The following GRK3 variants were observed in gnomAD, a reference collection of about 807,000 sequenced individuals.
GRK3 encodes G protein-coupled receptor kinase 3, also known as adrenergic, beta, receptor kinase 2.
GRK3 carries 54 observed loss-of-function variants against 95.7 expected under a neutral mutation model. The ratio of observed to expected loss-of-function variants is 0.56; its 90% CI spans 0.45 to 0.71. The LOEUF (loss-of-function observed/expected upper bound fraction) is 0.71. Among genes scored for constraint, GRK3 ranks in the 30% least tolerant of loss-of-function variants. The probability of loss-of-function intolerance (pLI) is 0.00; values close to 1 mark genes in which losing one functional copy is unlikely to be tolerated. For synonymous variants in GRK3, 281 were observed against 290.8 expected, an observed-to-expected ratio of 0.97 and a Z score of 0.34; for missense variants, 649 against 851.2, an observed-to-expected ratio of 0.76 and a Z score of 2.96.
At chr22:25,584,784 T>C (rs1165568035) in intron 1 of GRK3, among the ~76,000 whole-genome samples, 2 of 152,278 alleles carry the variant, frequency 1.3e-5, no homozygotes, top group Non-Finnish European at 2.9e-5. Flanking sequence ...CTTGTATTTC[T>C]TTTTTTAGTC....
chr22:25,647,776 C>T (rs1200928884), intron 3 of GRK3: 3 of 976,660 alleles, frequency 3.1e-6, no homozygotes, highest in Non-Finnish European at 5.0e-6. Flanking sequence ...TGAAAGATTA[C>T]TTCTGAATCC....
In GRK3 at chr22:25,565,343, G is replaced by A. The variant is rs1262222417; in HGVS notation, c.113+190G>A. Among the ~76,000 whole-genome samples the A allele has an allele frequency of 3.9e-5, 6 of 152,276 alleles. No individual in the cohort carries two copies. The East Asian group carries it at 9.7e-4, about 25-fold the overall frequency. On this transcript the variant is annotated intron_variant, in intron 1 of 20. Transcript: ENST00000324198. ...ATGGGGCATCGGAGGGCCGGTGGGGGGCACCCCGGGAGAGAGCGCTCCAAA... is the reference window on the plus strand; with the variant it reads ...ATGGGGCATCGGAGGGCCGGTGGGGAGCACCCCGGGAGAGAGCGCTCCAAA...
chr22:25,628,416 G>A (rs1252573540), intron 2 of GRK3, among the ~76,000 whole-genome samples: 3 of 152,212 alleles, frequency 2.0e-5, no homozygotes, highest in African/African-American at 7.2e-5. Flanking sequence ...ATTTATTGCA[G>A]CAGTTTTGTA....
intron 1 of GRK3, among the ~76,000 whole-genome samples, chr22:25,589,568 G>A (rs1298953585): frequency 2.6e-5 from 4 of 152,158 alleles, no homozygotes; most frequent in Non-Finnish European, 5.9e-5. Flanking sequence ...TTTTGGTGAG[G>A]AGGAGTATAA....
rs1479905557 is a variant in GRK3, at chr22:25,564,781, G to A, written c.-260G>A. 6.7e-6 allele frequency: 1 copy of A among 149,732 alleles called. No individual in the cohort carries two copies. Among genetic ancestry groups the A allele is most frequent in the African/African-American group, 2.4e-5 (1 of 40,968 alleles). 9.3% of individuals were successfully genotyped at this position (149,732 alleles called of 1,614,324 possible). On this transcript the variant is annotated 5_prime_UTR_variant, in exon 1 of 21. Coordinates refer to ENST00000324198, the MANE Select transcript of GRK3 (RefSeq NM_005160.4). ...CAGACCCTCGCTGAAGGAGCAGGGG[G>A]CGGCGCGCGTGCGCGGGGCGCCGGG...
intron 3 of GRK3, among the ~76,000 whole-genome samples, chr22:25,661,273 A>G (rs1259879706): frequency 6.6e-6 from 1 of 152,210 alleles, no homozygotes; most frequent in African/African-American, 2.4e-5. Context: ...TGCATGGTCT[A>G]TGGCTCGTGT....
chr22:25,607,355 TG>T (rs1175496670), intron 2 of GRK3, among the ~76,000 whole-genome samples: 4 of 151,476 alleles, frequency 2.6e-5, no homozygotes, highest in Non-Finnish European at 4.4e-5. Flanking sequence ...AACTTAAAAA[TG>T]TTTTTTTTTT....
chr22:25,647,498 C>A, intron 3 of GRK3: 1 of 1,412,518 alleles, frequency 7.1e-7, no homozygotes, highest in Admixed American at 1.7e-5. Context: ...TCCTCATTCT[C>A]AGTGGTGCCA....
chr22:25,633,137 G>A (rs1450782965), intron 2 of GRK3, among the ~76,000 whole-genome samples: 1 of 151,672 alleles, frequency 6.6e-6, no homozygotes, highest in Non-Finnish European at 1.5e-5. Flanking sequence ...GACTGGCTTC[G>A]AACTCCTGAC....
rs1030537265 is a variant in GRK3 at position 25,661,734 on chromosome 22, A to C, written c.366+57A>C. The stretch of plus-strand genomic sequence containing the variant: ...TACTGATGAATAAGGGACCATGTTC[A>C]GCGTTTCCAGAATGAAAGTTAAACA... On this transcript the variant is annotated intron_variant, in intron 4 of 20. Coordinates refer to ENST00000324198, the MANE Select transcript of GRK3 (RefSeq NM_005160.4). 6 of 1,112,302 alleles carry C rather than the reference A, an allele frequency of 5.4e-6. No homozygotes were observed. The South Asian group carries it at 9.0e-5, about 17-fold the overall frequency. The allele number at this position is 1,112,302 out of a possible 1,614,324, so 68.9% of individuals were successfully genotyped here. A position where few individuals can be genotyped will look rare whatever the true frequency, so the allele number is the denominator to read the frequency against.
intron 1 of GRK3, among the ~76,000 whole-genome samples, chr22:25,576,639 C>T (rs1931911005): frequency 1.3e-5 from 2 of 152,160 alleles, no homozygotes; most frequent in East Asian, 1.9e-4. Context: ...CTCAAGGTCG[C>T]GCTGATAACA....
chr22:25,630,625 C>T (rs183655377), intron 2 of GRK3, among the ~76,000 whole-genome samples: 2 of 152,172 alleles, frequency 1.3e-5, no homozygotes, highest in Non-Finnish European at 2.9e-5. Flanking sequence ...AGTCCCAGTT[C>T]GCGTTGTTCC....
chr22:25,619,531 T>G (rs1257028074), intron 2 of GRK3, among the ~76,000 whole-genome samples: 1 of 152,122 alleles, frequency 6.6e-6, no homozygotes, highest in Admixed American at 6.6e-5. Context: ...TTGCCCAAGC[T>G]GGAGTTTAGT....
intron 15 of GRK3, among the ~76,000 whole-genome samples, chr22:25,709,198 C>T (rs141675245): frequency 0.018 from 2,809 of 152,094 alleles, 81 homozygotes; most frequent in African/African-American, 0.063. Flanking sequence ...TCACCATGCC[C>T]GGCTAATTTT....
chr22:25,602,573 T>C (rs2084416488), intron 1 of GRK3, among the ~76,000 whole-genome samples: 1 of 152,214 alleles, frequency 6.6e-6, no homozygotes, highest in Non-Finnish European at 1.5e-5. Context: ...TGTCAACAGA[T>C]GGCTGGGTAA....
At chr22:25,638,309 T>G (rs2084718139) in intron 2 of GRK3, among the ~76,000 whole-genome samples, 1 of 152,176 alleles carries the variant, frequency 6.6e-6, no homozygotes. Flanking sequence ...CACTAGGAAG[T>G]CAGTATGTCT....
intron 9 of GRK3, 63 bp from the exon 10 acceptor site, chr22:25,685,107 G>T: frequency 9.8e-7 from 1 of 1,018,866 alleles, no homozygotes; most frequent in South Asian, 1.3e-5. Context: ...ATGGTGTTTG[G>T]TGGTAGATGT....
intron 3 of GRK3, among the ~76,000 whole-genome samples, chr22:25,645,087 G>C (rs566519340): frequency 6.6e-6 from 1 of 152,260 alleles, no homozygotes; most frequent in East Asian, 1.9e-4. Context: ...AGATTTGGTG[G>C]GGGGTGTGGT....
chr22:25,711,236 T>C, intron 17 of GRK3, 73 bp downstream of exon 17: 1 of 1,041,350 alleles, frequency 9.6e-7, no homozygotes. Context: ...TCAAACTTAG[T>C]GGTTGTTTTA....
Sources: allele counts gnomAD v4.1 joint callset (sites outside exome capture counted in the v4.1 genomes callset), GRCh38; gene constraint gnomAD v4.1.1; transcripts MANE v1.5; gene names NCBI Gene and HGNC (gene_info 2026-07-23, HGNC 2026-07-21).